TEX29: variants seen among roughly 807,000 people sequenced by gnomAD.
TEX29 encodes the protein testis-expressed protein 29.
Under a neutral mutation model 18.2 loss-of-function variants are expected in TEX29, and 26 were observed. That is an observed-to-expected ratio of 1.43 (90% CI 1.04 to 1.98). The LOEUF is 1.98. Ranked by LOEUF, TEX29 falls within the 30% of genes most tolerant of loss-of-function variation. The probability of loss-of-function intolerance (pLI) is 0.00; values close to 1 mark genes in which losing one functional copy is unlikely to be tolerated. For missense variants in TEX29, 177 were observed against 194.2 expected (o/e 0.91, Z 0.53); for synonymous variants, 83 against 78.5 (o/e 1.06, Z -0.31).
chr13:111,334,521 C>T (rs1445788005), intron 3 of TEX29, among the ~76,000 whole-genome samples: 2 of 152,228 alleles, frequency 1.3e-5, no homozygotes, highest in African/African-American at 4.8e-5. Context: ...GGTCCCAGGG[C>T]CACCATAGGT....
intron 3 of TEX29, among the ~76,000 whole-genome samples, chr13:111,334,790 G>C (rs2093687323): frequency 1.3e-5 from 2 of 152,242 alleles, no homozygotes; most frequent in Non-Finnish European, 2.9e-5. Flanking sequence ...ATCAAATAAA[G>C]CTGATATTCC....
chr13:111,339,986 C>G, intron 4 of TEX29, 54 bp downstream of exon 4: 1 of 1,544,578 alleles, frequency 6.5e-7, no homozygotes, highest in Non-Finnish European at 8.9e-7. Context: ...CTCACCTCTC[C>G]TGGCCGCAGC....
At chr13:111,319,364 C>G (rs995424366), upstream of TEX29, among the ~76,000 whole-genome samples, 1 of 152,208 alleles carries the variant, frequency 6.6e-6, no homozygotes, top group African/African-American at 2.4e-5. Context: ...TGGCATGTCC[C>G]TGCAGTGGGA....
At chr13:111,332,395 G>C (rs1398191840) in intron 3 of TEX29, among the ~76,000 whole-genome samples, 1 of 151,904 alleles carries the variant, frequency 6.6e-6, no homozygotes, top group Non-Finnish European at 1.5e-5. Context: ...CTTGTATCTG[G>C]CAACCTTGTT....
At chr13:111,330,481 C>G (rs990371501) in intron 3 of TEX29, among the ~76,000 whole-genome samples, 4 of 152,234 alleles carry the variant, frequency 2.6e-5, no homozygotes, top group African/African-American at 9.6e-5. Flanking sequence ...CCCTCGCTGT[C>G]CCAGCCTCCA....
upstream of TEX29, among the ~76,000 whole-genome samples, chr13:111,319,019 G>A (rs1398223535): frequency 3.3e-5 from 5 of 152,214 alleles, no homozygotes; most frequent in African/African-American, 4.8e-5. Flanking sequence ...TGTGGAAGAA[G>A]AGGCGAGGGA....
At chr13:111,337,225 A>G (rs1038166305) in intron 3 of TEX29, among the ~76,000 whole-genome samples, 3 of 152,154 alleles carry the variant, frequency 2.0e-5, no homozygotes, top group Non-Finnish European at 2.9e-5. Flanking sequence ...AAATTACCCC[A>G]AAACTTAGTG....
intron 4 of TEX29, 81 bp from the exon 5 acceptor site, chr13:111,342,675 G>A (rs1211432042): frequency 2.9e-6 from 4 of 1,399,712 alleles, no homozygotes; most frequent in Non-Finnish European, 2.9e-6. Flanking sequence ...TCAGAGGGAT[G>A]TCCTGGTGGG....
At chr13:111,323,149 C>T (rs1050293446) in intron 2 of TEX29, among the ~76,000 whole-genome samples, 6 of 152,196 alleles carry the variant, frequency 3.9e-5, no homozygotes, top group South Asian at 2.1e-4. Context: ...TCCCCTTCCA[C>T]GCAGCCCTGC....
At position 111,335,992 on chromosome 13, in the gene TEX29, C is replaced by T. The variant is rs553081431; in HGVS notation, c.170-3871C>T. 3.3e-5 allele frequency among the ~76,000 whole-genome samples: 5 copies of T among 152,284 alleles called. No individual in the cohort carries two copies. In the East Asian group the frequency reaches 9.6e-4, roughly 29 times the overall value. On this transcript the variant is annotated intron_variant, in intron 3 of 5. Coordinates refer to ENST00000283547, the MANE Select transcript of TEX29 (RefSeq NM_152324.3). ...ACATGGCTTAAGTTAGAACAATCGC[C>T]GCATGCCTGTCATCCATTTTAAAAG...
At chr13:111,321,704 C>T (rs1468997243) in intron 2 of TEX29, among the ~76,000 whole-genome samples, 3 of 151,986 alleles carry the variant, frequency 2.0e-5, no homozygotes, top group African/African-American at 7.3e-5. Context: ...AGGTGGGCCA[C>T]CTGAGGTCAG....
At chr13:111,320,995 T>TGGGGGGGGGAGCTGTG in intron 2 of TEX29, 47 bp downstream of exon 2, 1 of 320,862 alleles carries the variant, frequency 3.1e-6, no homozygotes, top group Non-Finnish European at 5.8e-6. Flanking sequence ...GGGGAGCAGT[T>TGGGGGGGGGAGCTGTG]GGGGGGGGGC....
intron 2 of TEX29, among the ~76,000 whole-genome samples, chr13:111,321,517 G>T (rs1246955602): frequency 6.6e-6 from 1 of 152,192 alleles, no homozygotes; most frequent in Non-Finnish European, 1.5e-5. Context: ...CCCCCGGGAG[G>T]CAGGAGATGC....
At chr13:111,317,268 G>A (rs2093656086), upstream of TEX29, among the ~76,000 whole-genome samples, 1 of 152,162 alleles carries the variant, frequency 6.6e-6, no homozygotes. Context: ...TCCACTCTGA[G>A]GCCGTAGGGG....
chr13:111,339,317 C>T (rs1194075550), intron 3 of TEX29: 10 of 454,664 alleles, frequency 2.2e-5, no homozygotes, highest in Non-Finnish European at 4.4e-5. Flanking sequence ...TTGACCTGGG[C>T]ATTGAGGAGC....
chr13:111,328,837 C>A (rs1431525901), intron 3 of TEX29, among the ~76,000 whole-genome samples: 2 of 152,104 alleles, frequency 1.3e-5, no homozygotes, highest in Non-Finnish European at 2.9e-5. Context: ...GAAGTGAGGA[C>A]AACAGGCAAC....
rs117488848 is a variant in TEX29 at position 111,330,986 on chromosome 13, A to G, written c.169+2693A>G. Among the ~76,000 whole-genome samples the G allele has an allele frequency of 3.2e-3, 487 of 152,330 alleles. 2 individuals carry two copies. Among genetic ancestry groups the G allele is most frequent in the Non-Finnish European group, 5.9e-3 (398 of 68,026 alleles). ...TGTGGGTTGTTTCCACTTTTTGGCT[A>G]TTATAAATGATGCTGCTCAGAACAT... On this transcript the variant is annotated intron_variant, in intron 3 of 5. Transcript: ENST00000283547.
chr13:111,321,543 A>G (rs1215037309), intron 2 of TEX29, among the ~76,000 whole-genome samples: 1 of 152,012 alleles, frequency 6.6e-6, no homozygotes, highest in Non-Finnish European at 1.5e-5. Flanking sequence ...TCCATGGCTC[A>G]GGTTTACCTG....
chr13:111,320,999 G>GT (rs762830755), intron 2 of TEX29, 51 bp downstream of exon 2: 1 of 973,660 alleles, frequency 1.0e-6, no homozygotes, highest in African/African-American at 1.7e-5. Flanking sequence ...AGCAGTTGGG[G>GT]GGGGGCACAG....
Sources: gnomAD v4.1 joint callset for allele counts (sites outside exome capture counted in the v4.1 genomes callset) on GRCh38, gnomAD v4.1.1 for gene constraint, MANE v1.5 for transcripts, NCBI Gene and HGNC (gene_info 2026-07-23, HGNC 2026-07-21) for gene names.